Variants in NCKAP5 observed in about 807,000 individuals in gnomAD.
The protein encoded by NCKAP5 is NCK associated protein 5.
A neutral mutation model predicts 167.0 loss-of-function variants in NCKAP5; 92 were observed. The observed-to-expected ratio is 0.55, with a 90% CI of 0.47 to 0.66. The LOEUF (loss-of-function observed/expected upper bound fraction) is 0.66. Ranked by LOEUF, NCKAP5 falls within the 30% of genes least tolerant of loss-of-function variation. The pLI is 0.00. For missense variants in NCKAP5, 2,378 were observed against 2,315.0 expected (o/e 1.03, Z -0.56); for synonymous variants, 891 against 877.4 (o/e 1.02, Z -0.27).
chr2:133,166,430 G>A (rs75537541), intron 5 of NCKAP5, among the ~76,000 whole-genome samples: 2,094 of 152,146 alleles, frequency 0.014, 30 homozygotes, highest in Non-Finnish European at 0.022. Context: ...TCCCTAGAGT[G>A]GTTAAAACAT....
At chr2:133,474,389 G>A (rs1024759979) in intron 3 of NCKAP5, among the ~76,000 whole-genome samples, 1 of 152,118 alleles carries the variant, frequency 6.6e-6, no homozygotes, top group Non-Finnish European at 1.5e-5. Flanking sequence ...GGTTATGAGG[G>A]GCTGGTGAAG....
At chr2:132,899,828 T>G (rs1021125228) in intron 8 of NCKAP5, among the ~76,000 whole-genome samples, 1 of 152,172 alleles carries the variant, frequency 6.6e-6, no homozygotes, top group African/African-American at 2.4e-5. Flanking sequence ...TGAGCTGGGA[T>G]TGAGCCACTA....
chr2:133,509,872 G>A (rs573449965), intron 3 of NCKAP5, among the ~76,000 whole-genome samples: 15 of 152,326 alleles, frequency 9.8e-5, no homozygotes, highest in Admixed American at 2.6e-4. Flanking sequence ...GTGGGAATGT[G>A]AAAAGGCCAG....
At chr2:133,426,135 T>C (rs979476401) in intron 3 of NCKAP5, among the ~76,000 whole-genome samples, 1 of 151,868 alleles carries the variant, frequency 6.6e-6, no homozygotes, top group Non-Finnish European at 1.5e-5. Context: ...CTGGACGTGG[T>C]GGTGCGTGCC....
At position 132,842,481 on chromosome 2, in the gene NCKAP5, T is replaced by C. The variant is rs186069510; in HGVS notation, c.807+18011A>G. Among the ~76,000 whole-genome samples the C allele has an allele frequency of 2.6e-4, 40 of 152,258 alleles. No homozygotes were observed. The East Asian group carries it at 7.1e-3, about 27-fold the overall frequency. On this transcript the variant is annotated intron_variant, in intron 11 of 19. Transcript: ENST00000409261. Reference sequence around the variant, plus strand: ...TTTTCCCAATTTCTAAAATAAATTTTGCTACTTTATTATATTTATTTTCTA... The same window carrying C: ...TTTTCCCAATTTCTAAAATAAATTTCGCTACTTTATTATATTTATTTTCTA...
intron 5 of NCKAP5, among the ~76,000 whole-genome samples, chr2:133,165,039 A>G (rs947221774): frequency 6.6e-6 from 1 of 151,726 alleles, no homozygotes; most frequent in African/African-American, 2.4e-5. Context: ...CTTCTAGGTG[A>G]CATTTGGCCA....
intron 18 of NCKAP5, among the ~76,000 whole-genome samples, chr2:132,727,216 T>A (rs1558976206): frequency 6.6e-6 from 1 of 151,670 alleles, no homozygotes; most frequent in Non-Finnish European, 1.5e-5. Flanking sequence ...CAAGAGTAAC[T>A]TTTTTTTTCC....
At chr2:133,384,954 G>C (rs530376194) in intron 3 of NCKAP5, among the ~76,000 whole-genome samples, 2 of 152,144 alleles carry the variant, frequency 1.3e-5, no homozygotes, top group Admixed American at 6.5e-5. Context: ...GGGCTAAGTC[G>C]ATGGGGTTTT....
chr2:133,178,199 G>A (rs1350058098), intron 5 of NCKAP5, among the ~76,000 whole-genome samples: 1 of 152,124 alleles, frequency 6.6e-6, no homozygotes, highest in Non-Finnish European at 1.5e-5. Flanking sequence ...CAGAGCCGAA[G>A]GTTTAAATAA....
intron 5 of NCKAP5, among the ~76,000 whole-genome samples, chr2:133,134,666 TG>T (rs1559176618): frequency 6.6e-6 from 1 of 152,244 alleles, no homozygotes; most frequent in Non-Finnish European, 1.5e-5. Flanking sequence ...TTCTACAGAA[TG>T]ATCTTGTCTA....
chr2:133,550,507 T>C (rs1687194600), intron 2 of NCKAP5, among the ~76,000 whole-genome samples: 1 of 148,568 alleles, frequency 6.7e-6, no homozygotes, highest in African/African-American at 2.5e-5. Context: ...CACAGGATTA[T>C]CTCAATAGAT....
chr2:133,480,522 G>A (rs946398932), intron 3 of NCKAP5, among the ~76,000 whole-genome samples: 4 of 152,080 alleles, frequency 2.6e-5, no homozygotes, highest in African/African-American at 9.6e-5. Flanking sequence ...CCTCCTGTAC[G>A]AGGTCACACT....
intron 5 of NCKAP5, among the ~76,000 whole-genome samples, chr2:133,142,206 C>T (rs1055188493): frequency 1.2e-4 from 19 of 152,190 alleles, no homozygotes; most frequent in Admixed American, 1.0e-3. Flanking sequence ...GTATATTTAA[C>T]CCTTGGTTAA....
At chr2:132,967,356 A>T (rs190817311) in intron 7 of NCKAP5, among the ~76,000 whole-genome samples, 2 of 152,224 alleles carry the variant, frequency 1.3e-5, no homozygotes, top group Non-Finnish European at 2.9e-5. Flanking sequence ...AGGGCAATCA[A>T]TGAAAGCTGT....
intron 4 of NCKAP5, among the ~76,000 whole-genome samples, chr2:133,258,098 A>G (rs2088713625): frequency 6.6e-6 from 1 of 152,228 alleles, no homozygotes; most frequent in Non-Finnish European, 1.5e-5. Context: ...AGTGCATTTT[A>G]TTGAGAAAGC....
At position 133,079,067 on chromosome 2, in the gene NCKAP5, T is replaced by C. The variant is rs537204351; in HGVS notation, c.341+50911A>G. Among the ~76,000 whole-genome samples, 12 of 152,252 alleles carry C rather than the reference T, an allele frequency of 7.9e-5. 1 individual carries two copies. In the South Asian group the frequency reaches 2.5e-3, roughly 32 times the overall value. ...AAGCTTTTAGAAAAGAAAAGAAATATAACACAAACTCACTGACACCAGGGA... is the reference window on the plus strand; with the variant it reads ...AAGCTTTTAGAAAAGAAAAGAAATACAACACAAACTCACTGACACCAGGGA... On this transcript the variant is annotated intron_variant, in intron 6 of 19. Transcript: ENST00000409261.
chr2:132,777,742 T>G (rs180976532), intron 15 of NCKAP5, among the ~76,000 whole-genome samples: 3 of 152,308 alleles, frequency 2.0e-5, no homozygotes, highest in Middle Eastern at 3.4e-3. Flanking sequence ...TTCGCAGAAC[T>G]TAATAAGATG....
At chr2:132,908,558 T>A (rs1574593622) in intron 8 of NCKAP5, among the ~76,000 whole-genome samples, 1 of 152,344 alleles carries the variant, frequency 6.6e-6, no homozygotes, top group Non-Finnish European at 1.5e-5. Context: ...TACTCTCCCA[T>A]GATTTTTCTT....
chr2:133,637,475 CCAAAAAAAA>C, the NCKAP5 span, among the ~76,000 whole-genome samples: 2 of 21,858 alleles, frequency 9.1e-5, no homozygotes, highest in African/African-American at 6.0e-4. Context: ...TTGGTATTTT[CCAAAAAAAA>C]AAAAAAAAAA....
Sources: gnomAD v4.1 joint callset for allele counts (sites outside exome capture counted in the v4.1 genomes callset) on GRCh38, gnomAD v4.1.1 for gene constraint, MANE v1.5 for transcripts, NCBI Gene and HGNC (gene_info 2026-07-23, HGNC 2026-07-21) for gene names.